NAV3: variants seen among roughly 807,000 people sequenced by gnomAD.
NAV3 encodes neuron navigator 3.
In NAV3, 87 loss-of-function variants were observed where a neutral mutation model predicts 244.7. The observed-to-expected ratio is 0.36, with a 90% confidence interval of 0.30 to 0.42. The LOEUF (loss-of-function observed/expected upper bound fraction) is 0.42, where lower values mean the gene tolerates loss of function less well. Among genes scored for constraint, NAV3 ranks in the 20% least tolerant of loss-of-function variants. The pLI, the probability that NAV3 is intolerant of heterozygous loss-of-function variation, is 1.00. For missense variants in NAV3, 2,663 were observed against 2,893.3 expected, an observed-to-expected ratio of 0.92 and a Z score of 1.83; for synonymous variants, 1,126 against 1,042.2, an observed-to-expected ratio of 1.08 and a Z score of -1.55.
At position 77,651,401 on chromosome 12, in the gene NAV3, C is replaced by A. The variant is rs80283651; in HGVS notation, c.72+79135C>A. Among the ~76,000 whole-genome samples, 336 of 152,136 alleles carry A rather than the reference C, an allele frequency of 2.2e-3. 3 individuals carry two copies. The highest frequency in any genetic ancestry group is 0.011 in the East Asian group (57 of 5,184). On this transcript the variant is annotated intron_variant, in intron 2 of 8. Coordinates refer to the NAV3 transcript ENST00000550042. ...TTGTTGTTGATTTAGCTTGTTACTC[C>A]CCAAATATTTTCCCGTGCCTTTTTT...
At chr12:77,829,008 A>C (rs1355535463), upstream of NAV3, among the ~76,000 whole-genome samples, 1 of 152,244 alleles carries the variant, frequency 6.6e-6, no homozygotes, top group African/African-American at 2.4e-5. Context: ...GTAGAATTAT[A>C]ACCTTGGGTG....
At chr12:78,068,515 G>A (rs1174353837) in intron 12 of NAV3, among the ~76,000 whole-genome samples, 8 of 150,108 alleles carry the variant, frequency 5.3e-5, no homozygotes, top group Non-Finnish European at 1.2e-4. Flanking sequence ...TGACAGAACA[G>A]TCATTTCACA....
intron 38 of NAV3, among the ~76,000 whole-genome samples, chr12:78,204,120 C>T (rs889024724): frequency 1.3e-5 from 2 of 151,558 alleles, no homozygotes; most frequent in Admixed American, 6.6e-5. Flanking sequence ...TTCCAAACAC[C>T]GCATGTTCTC....
In NAV3 at chr12:77,780,144, C is replaced by T. The variant is rs538319578; in HGVS notation, c.73-160175C>T. Among the ~76,000 whole-genome samples the T allele has an allele frequency of 5.3e-5, 8 of 152,200 alleles. No homozygotes were observed. In the South Asian group the frequency reaches 8.3e-4, roughly 16 times the overall value. On this transcript the variant is annotated intron_variant, in intron 2 of 8. Transcript: ENST00000550042. ...AAGTTGCAGAGGAAGTGGAGCGAGGCGCACGGGTGAGCAGAATATATTTGT... is the reference window on the plus strand; with the variant it reads ...AAGTTGCAGAGGAAGTGGAGCGAGGTGCACGGGTGAGCAGAATATATTTGT...
chr12:77,713,765 G>T (rs957418403), intron 2 of NAV3, among the ~76,000 whole-genome samples: 1 of 152,044 alleles, frequency 6.6e-6, no homozygotes, highest in Non-Finnish European at 1.5e-5. Context: ...AAACAAATGT[G>T]TATAATATCT....
chr12:77,948,157 G>T (rs544432152), intron 3 of NAV3, among the ~76,000 whole-genome samples: 3 of 152,018 alleles, frequency 2.0e-5, no homozygotes, highest in Admixed American at 2.0e-4. Flanking sequence ...AAATCATTTC[G>T]TTGTGGGAAT....
At chr12:77,840,423 C>A (rs1875441805) in intron 1 of NAV3, among the ~76,000 whole-genome samples, 1 of 151,996 alleles carries the variant, frequency 6.6e-6, no homozygotes, top group South Asian at 2.1e-4. Flanking sequence ...GGGGACATTT[C>A]CAAAATACAG....
At chr12:77,881,801 A>G (rs1032969633) in intron 1 of NAV3, among the ~76,000 whole-genome samples, 8 of 152,136 alleles carry the variant, frequency 5.3e-5, no homozygotes, top group African/African-American at 1.9e-4. Context: ...AGAGAGTCAA[A>G]TCAAGCACAC....
intron 3 of NAV3, among the ~76,000 whole-genome samples, chr12:77,945,908 C>A (rs976019803): frequency 2.6e-5 from 4 of 151,626 alleles, no homozygotes; most frequent in Admixed American, 1.3e-4. Flanking sequence ...ACCACCACAC[C>A]TGGCTAATAT....
upstream of NAV3, among the ~76,000 whole-genome samples, chr12:77,828,749 CAGAGTG>C (rs1314205448): frequency 6.6e-6 from 1 of 152,028 alleles, no homozygotes; most frequent in African/African-American, 2.4e-5. Context: ...ATATTTCAGT[CAGAGTG>C]AAAGATATTG....
chr12:78,052,628 A>G (rs894473154), intron 11 of NAV3, among the ~76,000 whole-genome samples: 1 of 152,090 alleles, frequency 6.6e-6, no homozygotes, highest in Non-Finnish European at 1.5e-5. Flanking sequence ...TAATAACCAT[A>G]CCAATTTTTG....
intron 3 of NAV3, among the ~76,000 whole-genome samples, chr12:77,950,393 C>T (rs1018280015): frequency 6.6e-6 from 1 of 152,084 alleles, no homozygotes; most frequent in Non-Finnish European, 1.5e-5. Flanking sequence ...AATTTGAATT[C>T]CCCTGATGAC....
intron 5 of NAV3, among the ~76,000 whole-genome samples, chr12:77,979,259 G>A (rs1010162860): frequency 2.6e-5 from 4 of 151,090 alleles, no homozygotes; most frequent in Admixed American, 6.6e-5. Flanking sequence ...AGAAGTGGTG[G>A]TGTGTGCCTG....
intron 1 of NAV3, among the ~76,000 whole-genome samples, chr12:77,882,984 G>T (rs554859500): frequency 3.9e-5 from 6 of 152,164 alleles, no homozygotes; most frequent in Non-Finnish European, 5.9e-5. Context: ...TACACTGTTG[G>T]TAGGAATGTA....
chr12:77,645,558 A>AC (rs1309053038), intron 2 of NAV3, among the ~76,000 whole-genome samples: 6 of 150,442 alleles, frequency 4.0e-5, no homozygotes, highest in Non-Finnish European at 8.9e-5. Flanking sequence ...AAAAAAAAAA[A>AC]AACTTTCAAA....
chr12:77,732,002 A>G (rs181575555), intron 2 of NAV3, among the ~76,000 whole-genome samples: 1 of 152,074 alleles, frequency 6.6e-6, no homozygotes, highest in East Asian at 1.9e-4. Context: ...ACAGAGAACG[A>G]GTCGGTAGAA....
intron 2 of NAV3, among the ~76,000 whole-genome samples, chr12:77,778,567 G>T (rs1013060764): frequency 8.1e-5 from 12 of 148,322 alleles, no homozygotes; most frequent in Non-Finnish European, 1.5e-4. Context: ...AACTGAGATC[G>T]CGCCACTGCA....
chr12:77,750,168 A>G (rs548703652), intron 2 of NAV3, among the ~76,000 whole-genome samples: 2 of 152,290 alleles, frequency 1.3e-5, no homozygotes, highest in East Asian at 3.9e-4. Flanking sequence ...CCTGGCTAAT[A>G]TGGTGAAACC....
chr12:78,103,732 C>T (rs778388131), intron 12 of NAV3, among the ~76,000 whole-genome samples: 2 of 152,128 alleles, frequency 1.3e-5, no homozygotes, highest in East Asian at 1.9e-4. Context: ...AAGATGCAAA[C>T]GCAGAAATCC....
Sources: allele counts gnomAD v4.1 joint callset (sites outside exome capture counted in the v4.1 genomes callset), GRCh38; gene constraint gnomAD v4.1.1; transcripts MANE v1.5; gene names NCBI Gene and HGNC (gene_info 2026-07-23, HGNC 2026-07-21).